Variants in PIN4 observed in about 807,000 individuals in gnomAD.
The protein encoded by PIN4 is peptidylprolyl cis/trans isomerase, NIMA-interacting 4.
PIN4 carries 3 observed loss-of-function variants against 8.3 expected under a neutral mutation model. The ratio of observed to expected loss-of-function variants is 0.36; its 90% CI spans 0.16 to 0.93. The LOEUF (loss-of-function observed/expected upper bound fraction) is 0.93. Ranked by LOEUF, PIN4 falls within the 40% of genes least tolerant of loss-of-function variation. The pLI is 0.44. For missense variants in PIN4, 75 were observed against 100.6 expected (o/e 0.75, Z 1.09); for synonymous variants, 18 against 32.5 (o/e 0.55, Z 1.52).
chrX:72,209,411 C>T (rs2042839755), intron 3 of PIN4, among the ~76,000 whole-genome samples: 1 of 111,932 alleles, frequency 8.9e-6, no homozygotes, highest in South Asian at 3.7e-4. Flanking sequence ...CTCATTATTT[C>T]CCCTCTAAAA....
downstream of PIN4, among the ~76,000 whole-genome samples, chrX:72,202,559 C>T (rs1453992666): frequency 9.0e-6 from 1 of 111,651 alleles, no homozygotes; most frequent in Non-Finnish European, 1.9e-5. Context: ...ATGTGTAGGG[C>T]GCAGCTACTC....
chrX:72,256,232 G>A (rs1280245431), intron 3 of PIN4, among the ~76,000 whole-genome samples: 1 of 112,163 alleles, frequency 8.9e-6, no homozygotes, highest in African/African-American at 3.2e-5. Flanking sequence ...AATAGCCAAA[G>A]TACTGTTAGT....
At chrX:72,229,276 A>G (rs1602450424) in intron 3 of PIN4, among the ~76,000 whole-genome samples, 1 of 111,627 alleles carries the variant, frequency 9.0e-6, no homozygotes, top group South Asian at 3.8e-4. Flanking sequence ...AACCGAGTTA[A>G]CTACCCAGTA....
chrX:72,238,959 G>A, intron 3 of PIN4: 1 of 983,166 alleles, frequency 1.0e-6, no homozygotes, highest in Non-Finnish European at 1.4e-6. Context: ...TTGGAGCTTG[G>A]AGCTTGGAGC....
chrX:72,239,366 C>G (rs1697162041), intron 3 of PIN4, among the ~76,000 whole-genome samples: 1 of 112,696 alleles, frequency 8.9e-6, no homozygotes. Flanking sequence ...CCCAACCATA[C>G]CCTGCCCCGC....
At position 72,197,859 on chromosome X, in the gene PIN4, C is replaced by A; in HGVS notation, c.*333C>A. The A allele has an allele frequency of 1.3e-6, 1 of 769,263 alleles. No homozygotes were observed. The highest frequency in any genetic ancestry group is 1.5e-6 in the Non-Finnish European group (1 of 646,557). 63.4% of individuals were successfully genotyped at this position (769,263 alleles called of 1,213,427 possible). On this transcript the variant is annotated 3_prime_UTR_variant, in exon 4 of 4. Transcript: ENST00000373669. ...ATTCAGAAACCATCTTCAGGGGAAGCAGATATCAACTCACACTATTCACAC... is the reference window on the plus strand; with the variant it reads ...ATTCAGAAACCATCTTCAGGGGAAGAAGATATCAACTCACACTATTCACAC...
At chrX:72,250,291 A>C (rs2042255830) in intron 3 of PIN4, among the ~76,000 whole-genome samples, 1 of 109,740 alleles carries the variant, frequency 9.1e-6, no homozygotes, top group African/African-American at 3.3e-5. Flanking sequence ...TTTCATCTCA[A>C]TTTTTCAAGT....
chrX:72,227,428 G>A (rs747650821), intron 3 of PIN4, among the ~76,000 whole-genome samples: 10 of 111,838 alleles, frequency 8.9e-5, no homozygotes, highest in African/African-American at 3.2e-4. Context: ...CTTAAAGACT[G>A]GGTTACACTT....
Position 72,197,825 on chromosome X carries a change from C to A in PIN4, c.*299C>A. 3 of 785,474 alleles carry A rather than the reference C, an allele frequency of 3.8e-6. No homozygotes were observed. Among genetic ancestry groups the A allele is most frequent in the Non-Finnish European group, 3.0e-6 (2 of 657,713 alleles). The allele number at this position is 785,474 out of a possible 1,213,427, so 64.7% of individuals were successfully genotyped here. ...ACTATATCTGACTCTCAGTCTGTCC[C>A]ATAAATTAATTCAGAAACCATCTTC... On this transcript the variant is annotated 3_prime_UTR_variant, in exon 4 of 4. Coordinates refer to ENST00000373669, the MANE Select transcript of PIN4 (RefSeq NM_006223.4).
intron 2 of PIN4, among the ~76,000 whole-genome samples, chrX:72,192,136 A>G (rs1439736265): frequency 9.0e-6 from 1 of 110,682 alleles, no homozygotes; most frequent in Non-Finnish European, 1.9e-5. Flanking sequence ...TAGTTTTAGT[A>G]GAGATGGGAT....
downstream of PIN4, among the ~76,000 whole-genome samples, chrX:72,198,557 A>G (rs143471408): frequency 5.4e-3 from 607 of 112,396 alleles, 9 homozygotes; most frequent in African/African-American, 0.019. Context: ...TAGATATAAG[A>G]TGAAACTATG....
At chrX:72,228,346 C>T (rs1190508430) in intron 3 of PIN4, among the ~76,000 whole-genome samples, 1 of 111,859 alleles carries the variant, frequency 8.9e-6, no homozygotes. Flanking sequence ...AGGGACCTTA[C>T]CAAATCATTC....
downstream of PIN4, among the ~76,000 whole-genome samples, chrX:72,202,272 T>A (rs1268191790): frequency 8.9e-6 from 1 of 112,786 alleles, no homozygotes; most frequent in Non-Finnish European, 1.9e-5. Context: ...CCATGGATAC[T>A]GTTTGAATAT....
At position 72,197,660 on chromosome X, in the gene PIN4, G is replaced by A. The variant is rs2042773873; in HGVS notation, c.*134G>A. On this transcript the variant is annotated 3_prime_UTR_variant, in exon 4 of 4. Transcript: ENST00000373669. Reference sequence around the variant, plus strand: ...AGATATTGGATGCTCCTTGTATTCTGTGAAAGCTCTAAGTATGGGTTTGTA... The same window carrying A: ...AGATATTGGATGCTCCTTGTATTCTATGAAAGCTCTAAGTATGGGTTTGTA... 9.4e-7 allele frequency: 1 copy of A among 1,065,206 alleles called. No individual in the cohort carries two copies. The highest frequency in any genetic ancestry group is 1.2e-6 in the Non-Finnish European group (1 of 822,398). The allele number at this position is 1,065,206 out of a possible 1,213,427, so 87.8% of individuals were successfully genotyped here.
rs2042728098 is a variant in PIN4 at position 72,190,809 on chromosome X, CG to C, written c.117+4278del. Among the ~76,000 whole-genome samples, 2 of 108,999 alleles carry C rather than the reference CG, an allele frequency of 1.8e-5. 1 individual carries two copies. Among genetic ancestry groups the C allele is most frequent in the African/African-American group, 6.8e-5 (2 of 29,595 alleles). 94.7% of individuals were successfully genotyped at this position (108,999 alleles called of 115,157 possible). A position where few individuals can be genotyped will look rare whatever the true frequency, so the allele number is the denominator to read the frequency against. On this transcript the variant is annotated intron_variant, in intron 2 of 3. Coordinates refer to ENST00000373669, the MANE Select transcript of PIN4 (RefSeq NM_006223.4). ...CTCTGCTAAAAATACAAAAATTAGT[CG>C]GGTGTGGTGGCGGGTGCCTATAATC...
At chrX:72,261,986 C>G (rs1408086969) in intron 3 of PIN4, among the ~76,000 whole-genome samples, 35 of 110,564 alleles carry the variant, frequency 3.2e-4, no homozygotes, top group Non-Finnish European at 1.5e-4. Flanking sequence ...TTTTATCTCT[C>G]TAAGTCCCTT....
intron 3 of PIN4, among the ~76,000 whole-genome samples, chrX:72,203,363 G>A (rs1482895835): frequency 8.9e-6 from 1 of 111,784 alleles, no homozygotes; most frequent in Non-Finnish European, 1.9e-5. Flanking sequence ...CAGGGGGTGG[G>A]ATGGGACGGT....
At chrX:72,210,181 C>T (rs1281241953) in intron 3 of PIN4, among the ~76,000 whole-genome samples, 2 of 76,306 alleles carry the variant, frequency 2.6e-5, no homozygotes, top group Non-Finnish European at 4.4e-5. Context: ...GCCTGAATAA[C>T]ATAGCGAGAC....
intron 3 of PIN4, among the ~76,000 whole-genome samples, chrX:72,218,124 G>T (rs1159345622): frequency 2.7e-5 from 3 of 109,886 alleles, no homozygotes; most frequent in Non-Finnish European, 5.7e-5. Flanking sequence ...CAAAAAATTA[G>T]CTGGGCATGG....
Sources: allele counts gnomAD v4.1 joint callset (sites outside exome capture counted in the v4.1 genomes callset), GRCh38; gene constraint gnomAD v4.1.1; transcripts MANE v1.5; gene names NCBI Gene and HGNC (gene_info 2026-07-23, HGNC 2026-07-21).